ZSCAN1: variants seen among roughly 807,000 people sequenced by gnomAD.
ZSCAN1 encodes zinc finger and SCAN domain containing 1.
ZSCAN1 carries 23 observed loss-of-function variants against 23.8 expected under a neutral mutation model. That is an observed-to-expected ratio of 0.97 (90% confidence interval 0.70 to 1.37). The LOEUF is 1.37. ZSCAN1 is among the 40% of genes most tolerant of loss of function. ZSCAN1 has a pLI of 0.00. For missense variants in ZSCAN1, 575 were observed against 554.0 expected, an observed-to-expected ratio of 1.04 and a Z score of -0.38; for synonymous variants, 236 against 232.3, an observed-to-expected ratio of 1.02 and a Z score of -0.15.
rs141905726 is a variant in ZSCAN1 at position 58,049,966 on chromosome 19, G to A, written c.466-2524G>A. Reference sequence around the variant, plus strand: ...GCAGATCTTCAATGGGTCCTTGAGCGTTCTGGGCTATTCTGGCTTGTGAAT... The same window carrying A: ...GCAGATCTTCAATGGGTCCTTGAGCATTCTGGGCTATTCTGGCTTGTGAAT... On this transcript the variant is annotated intron_variant, in intron 4 of 5. Transcript: ENST00000282326. The surrounding 1 kb of genome is among the most constrained non-coding windows in gnomAD (Gnocchi z 4.5). Among the ~76,000 whole-genome samples the A allele has an allele frequency of 2.4e-4, 36 of 152,186 alleles. No homozygotes were observed. The highest frequency in any genetic ancestry group is 7.9e-4 in the African/African-American group (33 of 41,514).
chr19:58,052,322 A>G (rs902452321), intron 4 of ZSCAN1, among the ~76,000 whole-genome samples, 168 bp from the exon 5 acceptor site: 3 of 152,204 alleles, frequency 2.0e-5, no homozygotes, highest in African/African-American at 4.8e-5. Flanking sequence ...GCCTCAAGCA[A>G]TCCTCCAGCA....
chr19:58,052,742 C>A, intron 5 of ZSCAN1, 114 bp downstream of exon 5: 2 of 1,415,808 alleles, frequency 1.4e-6, no homozygotes, highest in Non-Finnish European at 1.9e-6. Context: ...GAACTCCACA[C>A]TTCCCCCAGA....
At position 58,053,541 on chromosome 19, in the gene ZSCAN1, G is replaced by A; in HGVS notation, c.717G>A (p.Lys239=). 6.2e-7 allele frequency: 1 copy of A among 1,614,140 alleles called. No individual in the cohort carries two copies. Among genetic ancestry groups the A allele is most frequent in the Non-Finnish European group, 8.5e-7 (1 of 1,180,026 alleles). The change falls in exon 6 of 6, where the codon AAG becomes AAA. Residue 239 remains lysine, a synonymous_variant. Transcript: ENST00000282326. This position sits in a 1 kb window ranked among gnomAD's most constrained non-coding sequence, Gnocchi z 5.8. ...RAEGTVISSP[K]GPSAQRISPR... ...AAGGGACTGTGATCTCGAGCCCCAA[G>A]GGTCCAAGTGCTCAGAGAATCAGTC...
intron 2 of ZSCAN1, among the ~76,000 whole-genome samples, 178 bp from the exon 3 acceptor site, chr19:58,037,550 C>G (rs1194502676): frequency 1.3e-5 from 2 of 152,120 alleles, no homozygotes; most frequent in Non-Finnish European, 2.9e-5. Flanking sequence ...GTGGCTTGAA[C>G]TCAGTGCAAA....
At chr19:58,055,779 G>A (rs761974254), downstream of ZSCAN1, among the ~76,000 whole-genome samples, 3 of 152,188 alleles carry the variant, frequency 2.0e-5, no homozygotes, top group Non-Finnish European at 4.4e-5. Context: ...TGGTGCCAGA[G>A]TTGCACAAGA....
chr19:58,044,822 G>A (rs2073814116), intron 4 of ZSCAN1: 1 of 740,998 alleles, frequency 1.3e-6, no homozygotes, highest in Admixed American at 2.0e-5. Flanking sequence ...AGGCCCGAGT[G>A]CCTTCGCACC....
At chr19:58,037,578 T>C (rs1170223162) in intron 2 of ZSCAN1, 150 bp from the exon 3 acceptor site, 3 of 386,498 alleles carry the variant, frequency 7.8e-6, no homozygotes, top group African/African-American at 4.2e-5. Flanking sequence ...GTGAGAGGCA[T>C]GTGGAAGATT....
chr19:58,038,187 A>G lies in ZSCAN1; in HGVS notation c.351A>G (p.Thr117=). Residue 117 remains threonine (T), a synonymous_variant, in exon 3 of 6, where the codon ACA becomes ACG. Coordinates refer to ENST00000282326, the MANE Select transcript of ZSCAN1 (RefSeq NM_182572.4). ...REAASLVEDL[T]QMCQQEVLVS... ...CCGCCAGCCTGGTGGAGGACCTCACACAGATGTGCCAGCAGGAAGGTGAGA... is the reference window on the plus strand; with the variant it reads ...CCGCCAGCCTGGTGGAGGACCTCACGCAGATGTGCCAGCAGGAAGGTGAGA... 1 of 1,607,040 alleles carries G rather than the reference A, an allele frequency of 6.2e-7. No homozygotes were observed. The highest frequency in any genetic ancestry group is 8.5e-7 in the Non-Finnish European group (1 of 1,178,182).
Position 58,053,875 on chromosome 19 carries a change from GC to G in ZSCAN1, c.1057del (p.Arg353GlyfsTer97). 1 of 1,613,680 alleles carries G rather than the reference GC, an allele frequency of 6.2e-7. No individual in the cohort carries two copies. ...IHLLEPPRKKAPRSKGPRESV... is the reference protein window; with the variant it reads ...IHLLEPPRKKXPRSKGPRESV... ...CCTGCTGGAGCCACCGAGGAAGAAA[GC>G]CCCCCGGAGCAAGGGCCCCCGGGAG... is the stretch of plus-strand genomic sequence containing the variant. On this transcript the variant is annotated frameshift_variant, in exon 6 of 6. Coordinates refer to ENST00000282326, the MANE Select transcript of ZSCAN1 (RefSeq NM_182572.4). LOFTEE classifies it low-confidence loss of function (END_TRUNC). The surrounding 1 kb of genome is among the most constrained non-coding windows in gnomAD (Gnocchi z 5.8).
chr19:58,035,175 A>T (rs547798416), intron 1 of ZSCAN1, among the ~76,000 whole-genome samples: 1 of 152,094 alleles, frequency 6.6e-6, no homozygotes, highest in Non-Finnish European at 1.5e-5. Flanking sequence ...GGGCCACCAC[A>T]GCATTGCCCA....
At chr19:58,043,797 A>G (rs947361835) in intron 4 of ZSCAN1, among the ~76,000 whole-genome samples, 1 of 152,034 alleles carries the variant, frequency 6.6e-6, no homozygotes, top group African/African-American at 2.4e-5. Flanking sequence ...ACACAGGCAC[A>G]CATTACCGCA....
downstream of ZSCAN1, among the ~76,000 whole-genome samples, chr19:58,055,373 C>A (rs1411147287): frequency 2.0e-5 from 3 of 152,204 alleles, no homozygotes; most frequent in African/African-American, 4.8e-5. Context: ...CTTCTCGGAG[C>A]GCCCCCTAAC....
intron 4 of ZSCAN1, among the ~76,000 whole-genome samples, chr19:58,043,245 A>G (rs34648696): frequency 0.13 from 19,823 of 152,210 alleles, 1,726 homozygotes; most frequent in Middle Eastern, 0.23. Context: ...CTTTTGAGAA[A>G]TGCTTCCTTA....
chr19:58,036,154 A>G (rs949702766), intron 2 of ZSCAN1, 143 bp downstream of exon 2: 2 of 152,220 alleles, frequency 1.3e-5, no homozygotes, highest in African/African-American at 4.8e-5. Context: ...CCCCGTGGTC[A>G]TGTCATAGTG....
At position 58,054,337 on chromosome 19, in the gene ZSCAN1, G is replaced by A. The variant is rs931418236; in HGVS notation, c.*286G>A. On this transcript the variant is annotated 3_prime_UTR_variant, in exon 6 of 6. Coordinates refer to ENST00000282326, the MANE Select transcript of ZSCAN1 (RefSeq NM_182572.4). The surrounding 1 kb of genome is among the most constrained non-coding windows in gnomAD (Gnocchi z 4.2). ...TGGCTTGAAGAGGAGTTTCATTCGC[G>A]TCCCATCTTTCAGAAGCCTTGTCCA... The A allele has an allele frequency of 5.8e-6, 2 of 345,200 alleles. No individual in the cohort carries two copies. The highest frequency in any genetic ancestry group is 1.0e-5 in the Non-Finnish European group (2 of 190,620). The allele number at this position is 345,200 out of a possible 1,614,324, so 21.4% of individuals were successfully genotyped here.
At chr19:58,044,763 C>T in intron 4 of ZSCAN1, 1 of 722,224 alleles carries the variant, frequency 1.4e-6, no homozygotes, top group Non-Finnish European at 2.5e-6. Flanking sequence ...CTCCCACCCA[C>T]CCTGCCTACC....
Position 58,053,877 on chromosome 19 carries a change from C to G in ZSCAN1, c.1053C>G (p.Ala351=). Residue 351 remains alanine, a synonymous_variant, in exon 6 of 6, where the codon GCC becomes GCG. Transcript: ENST00000282326. The surrounding 1 kb of genome is among the most constrained non-coding windows in gnomAD (Gnocchi z 5.8). ...TGCTGGAGCCACCGAGGAAGAAAGC[C>G]CCCCGGAGCAAGGGCCCCCGGGAGT... ...IHLLEPPRKK[A]PRSKGPRESV... 1 of 1,613,744 alleles carries G rather than the reference C, an allele frequency of 6.2e-7. No individual in the cohort carries two copies. Among genetic ancestry groups the G allele is most frequent in the South Asian group, 1.1e-5 (1 of 91,084 alleles).
rs2073835485 is a variant in ZSCAN1 at position 58,047,778 on chromosome 19, A to G, written c.466-4712A>G. 6.6e-6 allele frequency among the ~76,000 whole-genome samples: 1 copy of G among 152,180 alleles called. No homozygotes were observed. Among genetic ancestry groups the G allele is most frequent in the South Asian group, 2.1e-4 (1 of 4,832 alleles). ...TCACCGAGGCACGAAGACGAGGCAC[A>G]GGGCATCCCCTGGGGCTTCAAGGGC... On this transcript the variant is annotated intron_variant, in intron 4 of 5. Coordinates refer to ENST00000282326, the MANE Select transcript of ZSCAN1 (RefSeq NM_182572.4). This position sits in a 1 kb window ranked among gnomAD's most constrained non-coding sequence, Gnocchi z 4.9.
downstream of ZSCAN1, among the ~76,000 whole-genome samples, chr19:58,055,942 AAAC>A (rs2073887507): frequency 6.6e-6 from 1 of 152,202 alleles, no homozygotes; most frequent in African/African-American, 2.4e-5. Context: ...ACAACAAAGA[AAAC>A]AACGCAAACT....
Sources: gnomAD v4.1 joint callset for allele counts (sites outside exome capture counted in the v4.1 genomes callset) on GRCh38, gnomAD v4.1.1 for gene constraint, Gnocchi (gnomAD v3.1) non-coding constraint, MANE v1.5 for transcripts, NCBI Gene and HGNC (gene_info 2026-07-23, HGNC 2026-07-21) for gene names.